MMP16: variants seen among roughly 807,000 people sequenced by gnomAD.
MMP16 encodes matrix metalloproteinase-16.
Under a neutral mutation model 67.8 loss-of-function variants are expected in MMP16, and 12 were observed. That is an observed-to-expected ratio of 0.18 (90% CI 0.11 to 0.29). The LOEUF (loss-of-function observed/expected upper bound fraction) is 0.29. Ranked by LOEUF, MMP16 falls within the 10% of genes least tolerant of loss-of-function variation. MMP16 has a pLI of 1.00. For missense variants in MMP16, 475 were observed against 765.7 expected (o/e 0.62, Z 4.48); for synonymous variants, 249 against 255.9 (o/e 0.97, Z 0.26).
At chr8:88,263,425 T>C (rs901513838) in intron 1 of MMP16, among the ~76,000 whole-genome samples, 1 of 152,086 alleles carries the variant, frequency 6.6e-6, no homozygotes. Flanking sequence ...ATGGAAAAAT[T>C]CCCCACCCAT....
intron 7 of MMP16, among the ~76,000 whole-genome samples, chr8:88,063,154 T>C (rs1808422068): frequency 2.0e-5 from 3 of 152,092 alleles, no homozygotes; most frequent in Non-Finnish European, 4.4e-5. Context: ...TGTTTAGAGT[T>C]GGAGAGGACT....
intron 1 of MMP16, among the ~76,000 whole-genome samples, chr8:88,307,686 A>C (rs1811231539): frequency 6.6e-6 from 1 of 152,004 alleles, no homozygotes; most frequent in Admixed American, 6.6e-5. Context: ...GTATCACAAA[A>C]ATTACTTAAT....
chr8:88,232,864 G>A (rs2129877277), intron 1 of MMP16, among the ~76,000 whole-genome samples: 1 of 152,224 alleles, frequency 6.6e-6, no homozygotes, highest in South Asian at 2.1e-4. Context: ...GGCAAATCCT[G>A]CTTTTGGTGA....
At chr8:88,121,944 C>T (rs902483522) in intron 4 of MMP16, among the ~76,000 whole-genome samples, 4 of 151,990 alleles carry the variant, frequency 2.6e-5, no homozygotes, top group African/African-American at 9.7e-5. Context: ...ATATTTTATA[C>T]ATACAAATTG....
chr8:88,084,503 C>G (rs1223834986), intron 6 of MMP16, among the ~76,000 whole-genome samples: 1 of 151,562 alleles, frequency 6.6e-6, no homozygotes, highest in African/African-American at 2.4e-5. Context: ...AAAAAGAGCC[C>G]AATAAAAGAT....
chr8:88,282,093 G>GGA (rs1810750069), intron 1 of MMP16, among the ~76,000 whole-genome samples: 2 of 135,948 alleles, frequency 1.5e-5, no homozygotes, highest in Admixed American at 7.3e-5. Flanking sequence ...GGGGGGGGGG[G>GGA]GGCGACGGGG....
intron 7 of MMP16, among the ~76,000 whole-genome samples, chr8:88,061,130 A>ACG: frequency 4.2e-5 from 1 of 23,794 alleles, no homozygotes; most frequent in East Asian, 3.5e-4. Context: ...AATATTATAC[A>ACG]CACACACACA....
intron 1 of MMP16, among the ~76,000 whole-genome samples, chr8:88,238,467 G>A (rs943745051): frequency 1.3e-5 from 2 of 151,850 alleles, no homozygotes; most frequent in Admixed American, 1.3e-4. Flanking sequence ...AGACCAACCC[G>A]GCCAACATGG....
At chr8:88,079,644 A>G (rs1350026244) in intron 6 of MMP16, among the ~76,000 whole-genome samples, 3 of 152,192 alleles carry the variant, frequency 2.0e-5, no homozygotes, top group Non-Finnish European at 2.9e-5. Flanking sequence ...ACATAACACT[A>G]TGCTATGATC....
rs987337699 is a variant in MMP16 at position 88,041,738 on chromosome 8, T to C, written c.1547A>G (p.Lys516Arg). ...GGATCTTGGATATCCAGGTTCTACC[T>C]TGAGTATCTGGTTGTTGAATTTCCA... is the stretch of plus-strand genomic sequence containing the variant. ...EYWKFNNQIL[K>R]VEPGYPRSIL... The change falls in exon 10 of 10, where the codon AAG becomes AGG. Residue 516 changes from lysine (K) to arginine (R), a missense_variant. By Grantham distance (26) the Lys-to-Arg change is conservative. Coordinates refer to ENST00000286614, the MANE Select transcript of MMP16 (RefSeq NM_005941.5). This position sits in a 1 kb window ranked among gnomAD's most constrained non-coding sequence, Gnocchi z 6.0. 1 of 1,613,874 alleles carries C rather than the reference T, an allele frequency of 6.2e-7. No individual in the cohort carries two copies. The highest frequency in any genetic ancestry group is 8.5e-7 in the Non-Finnish European group (1 of 1,179,970).
intron 1 of MMP16, among the ~76,000 whole-genome samples, chr8:88,320,666 C>G (rs935003976): frequency 6.6e-6 from 1 of 152,128 alleles, no homozygotes; most frequent in Non-Finnish European, 1.5e-5. Context: ...GGCTATGATT[C>G]ATTTTGCAAC....
chr8:88,326,516 A>G (rs777306722), intron 1 of MMP16, among the ~76,000 whole-genome samples: 22 of 152,076 alleles, frequency 1.4e-4, no homozygotes, highest in Non-Finnish European at 2.9e-4. Context: ...GTGTAGCCAG[A>G]TCTAGTTACA....
chr8:88,200,764 C>T (rs775060063), intron 1 of MMP16, among the ~76,000 whole-genome samples: 20 of 151,496 alleles, frequency 1.3e-4, no homozygotes, highest in Non-Finnish European at 2.4e-4. Context: ...TTTCATGTGC[C>T]CATACTGTGA....
chr8:88,219,733 T>C (rs1273824720), intron 1 of MMP16, among the ~76,000 whole-genome samples: 1 of 152,134 alleles, frequency 6.6e-6, no homozygotes, highest in Non-Finnish European at 1.5e-5. Flanking sequence ...AGTATGCATA[T>C]TTCAGTGTGG....
At chr8:88,311,929 A>G (rs780186316) in intron 1 of MMP16, among the ~76,000 whole-genome samples, 2 of 152,172 alleles carry the variant, frequency 1.3e-5, no homozygotes, top group Non-Finnish European at 2.9e-5. Flanking sequence ...AAATAAAAAG[A>G]CTTAAGATAT....
At chr8:88,273,864 G>A (rs1810604518) in intron 1 of MMP16, among the ~76,000 whole-genome samples, 1 of 152,040 alleles carries the variant, frequency 6.6e-6, no homozygotes, top group Non-Finnish European at 1.5e-5. Flanking sequence ...ATAGAAAAAA[G>A]TAAGTATAGA....
intron 1 of MMP16, among the ~76,000 whole-genome samples, chr8:88,206,726 G>A (rs530693109): frequency 8.2e-4 from 125 of 152,246 alleles, no homozygotes; most frequent in African/African-American, 3.0e-3. Context: ...GTCTGGTGAT[G>A]GTTTTTGTGA....
intron 4 of MMP16, among the ~76,000 whole-genome samples, chr8:88,159,197 G>T (rs1459377139): frequency 1.3e-5 from 2 of 152,154 alleles, no homozygotes; most frequent in Non-Finnish European, 2.9e-5. Flanking sequence ...TTCCAATTCT[G>T]TGAAGAAAGT....
intron 7 of MMP16, among the ~76,000 whole-genome samples, chr8:88,068,199 T>A (rs1234967221): frequency 2.6e-5 from 4 of 152,146 alleles, no homozygotes; most frequent in African/African-American, 9.6e-5. Flanking sequence ...TCATTTGACA[T>A]CCATCTATGA....
Sources: allele counts gnomAD v4.1 joint callset (sites outside exome capture counted in the v4.1 genomes callset), GRCh38; gene constraint gnomAD v4.1.1; non-coding constraint Gnocchi (gnomAD v3.1); transcripts MANE v1.5; gene names NCBI Gene and HGNC (gene_info 2026-07-23, HGNC 2026-07-21).